The following AUTS2 variants were observed in gnomAD, a reference collection of about 807,000 sequenced individuals.
The protein encoded by AUTS2 is autism susceptibility gene 2 protein.
A neutral mutation model predicts 112.4 loss-of-function variants in AUTS2; 17 were observed. That is an observed-to-expected ratio of 0.15 (90% CI 0.10 to 0.23). AUTS2 has a LOEUF of 0.23. AUTS2 is among the 10% of genes least tolerant of loss of function. AUTS2 has a pLI of 1.00. For synonymous variants in AUTS2, 751 were observed against 702.7 expected (o/e 1.07, Z -1.09); for missense variants, 1,510 against 1,701.6 (o/e 0.89, Z 1.98).
At chr7:69,941,619 A>T (rs1584472985) in intron 2 of AUTS2, among the ~76,000 whole-genome samples, 1 of 146,518 alleles carries the variant, frequency 6.8e-6, no homozygotes, top group Non-Finnish European at 1.5e-5. Flanking sequence ...GTGCCTGTGG[A>T]GTTTATATTT....
chr7:70,583,743 C>G (rs1802562559), intron 5 of AUTS2, among the ~76,000 whole-genome samples: 1 of 152,248 alleles, frequency 6.6e-6, no homozygotes. Context: ...CCGAGCAACT[C>G]TGTCCTTCTG....
In AUTS2 at chr7:70,721,460, G is replaced by A. The variant is rs550660375; in HGVS notation, c.742+22840G>A. ...ATTACAGGCACCTGCCACAATGCCC[G>A]GCTGATTTTTTGTACTTTTAGTAGA... On this transcript the variant is annotated intron_variant, in intron 6 of 18. Coordinates refer to ENST00000342771, the MANE Select transcript of AUTS2 (RefSeq NM_015570.4). 1.4e-4 allele frequency among the ~76,000 whole-genome samples: 21 copies of A among 152,142 alleles called. No individual in the cohort carries two copies. The South Asian group carries it at 2.9e-3, about 21-fold the overall frequency.
intron 6 of AUTS2, among the ~76,000 whole-genome samples, chr7:70,754,735 A>G (rs1198213768): frequency 4.6e-5 from 7 of 152,194 alleles, no homozygotes; most frequent in African/African-American, 1.4e-4. Flanking sequence ...TGGAAGATGG[A>G]ATAATAAAAA....
chr7:70,658,816 T>G (rs1563107786), intron 5 of AUTS2, among the ~76,000 whole-genome samples: 1 of 152,342 alleles, frequency 6.6e-6, no homozygotes, highest in East Asian at 1.9e-4. Context: ...CCGTCATGGA[T>G]AAAATCCAAC....
At chr7:70,361,332 GA>G (rs768999597) in intron 4 of AUTS2, among the ~76,000 whole-genome samples, 1,681 of 143,760 alleles carry the variant, frequency 0.012, 11 homozygotes, top group African/African-American at 0.018. Context: ...GACTCCGTCT[GA>G]AAAAAAAAAA....
intron 6 of AUTS2, among the ~76,000 whole-genome samples, chr7:70,742,828 T>C (rs1460401688): frequency 6.6e-6 from 1 of 152,088 alleles, no homozygotes; most frequent in Non-Finnish European, 1.5e-5. Flanking sequence ...TAACTGAAAA[T>C]AGACTAATGC....
intron 1 of AUTS2, among the ~76,000 whole-genome samples, chr7:69,741,353 C>T (rs1019387905): frequency 1.3e-5 from 2 of 152,138 alleles, no homozygotes; most frequent in East Asian, 1.9e-4. Context: ...TTTAAAGATT[C>T]ACATACTATT....
chr7:69,958,357 G>A (rs1040435749), intron 2 of AUTS2, among the ~76,000 whole-genome samples: 18 of 152,110 alleles, frequency 1.2e-4, no homozygotes, highest in Non-Finnish European at 2.4e-4. Context: ...GAAAACAGGC[G>A]TGAACCTCTA....
chr7:69,812,163 G>C (rs1790572070), intron 1 of AUTS2, among the ~76,000 whole-genome samples: 1 of 152,100 alleles, frequency 6.6e-6, no homozygotes, highest in Admixed American at 6.6e-5. Context: ...TCGTGTTACT[G>C]TAAAAACACA....
chr7:69,764,513 G>T (rs989999292), intron 1 of AUTS2, among the ~76,000 whole-genome samples: 5 of 152,002 alleles, frequency 3.3e-5, no homozygotes, highest in African/African-American at 1.2e-4. Context: ...AGACAACTGG[G>T]ATAAGGACAT....
intron 2 of AUTS2, among the ~76,000 whole-genome samples, chr7:70,095,076 G>C (rs554414266): frequency 3.9e-5 from 6 of 152,184 alleles, no homozygotes; most frequent in Non-Finnish European, 4.4e-5. Flanking sequence ...AACCTGAAAC[G>C]TGAACTGAAA....
intron 2 of AUTS2, among the ~76,000 whole-genome samples, chr7:69,998,607 C>T (rs1223770095): frequency 6.6e-6 from 1 of 152,160 alleles, no homozygotes; most frequent in East Asian, 1.9e-4. Flanking sequence ...ATTTATTGAG[C>T]TCCTAACATA....
chr7:70,681,649 G>A (rs1352031954), intron 5 of AUTS2, among the ~76,000 whole-genome samples: 2 of 151,986 alleles, frequency 1.3e-5, no homozygotes, highest in African/African-American at 2.4e-5. Flanking sequence ...AGAATTAAAC[G>A]TAGTTGCCTA....
At chr7:69,709,286 G>A (rs990432839) in intron 1 of AUTS2, among the ~76,000 whole-genome samples, 6 of 152,162 alleles carry the variant, frequency 3.9e-5, no homozygotes, top group African/African-American at 1.2e-4. Context: ...GGGTAGCATA[G>A]ATCTTCTTCC....
At chr7:70,352,718 G>A (rs977048993) in intron 4 of AUTS2, among the ~76,000 whole-genome samples, 1 of 152,114 alleles carries the variant, frequency 6.6e-6, no homozygotes, top group Non-Finnish European at 1.5e-5. Context: ...GCACAGGTGT[G>A]ATAAATGCTT....
chr7:70,671,460 CA>C (rs1325180350), intron 5 of AUTS2, among the ~76,000 whole-genome samples: 1 of 152,200 alleles, frequency 6.6e-6, no homozygotes. Context: ...TTCCTTATTT[CA>C]AAGGCAGTAA....
intron 4 of AUTS2, among the ~76,000 whole-genome samples, chr7:70,220,530 G>A (rs1268927341): frequency 5.3e-5 from 8 of 152,306 alleles, no homozygotes; most frequent in East Asian, 3.9e-4. Flanking sequence ...GTTAAATGGT[G>A]TCCCTCTGTG....
At chr7:70,400,658 A>G (rs1794287534) in intron 4 of AUTS2, among the ~76,000 whole-genome samples, 1 of 152,076 alleles carries the variant, frequency 6.6e-6, no homozygotes, top group South Asian at 2.1e-4. Flanking sequence ...CTCCCCTCAC[A>G]CCTTATATAG....
intron 4 of AUTS2, among the ~76,000 whole-genome samples, chr7:70,253,211 ACAAGATGT>A (rs1304277961): frequency 6.6e-6 from 1 of 152,164 alleles, no homozygotes; most frequent in Non-Finnish European, 1.5e-5. Flanking sequence ...TTATGGCATA[ACAAGATGT>A]CATTTTGTAT....
Sources: gnomAD v4.1 joint callset for allele counts (sites outside exome capture counted in the v4.1 genomes callset) on GRCh38, gnomAD v4.1.1 for gene constraint, MANE v1.5 for transcripts, NCBI Gene and HGNC (gene_info 2026-07-23, HGNC 2026-07-21) for gene names.